The following CASS4 variants were observed in gnomAD, a reference collection of about 807,000 sequenced individuals.
The protein encoded by CASS4 is Cas scaffold protein family member 4.
A neutral mutation model predicts 54.2 loss-of-function variants in CASS4; 22 were observed. That is an observed-to-expected ratio of 0.41 (90% confidence interval 0.29 to 0.58). The LOEUF (loss-of-function observed/expected upper bound fraction) is 0.58, where lower values mean the gene tolerates loss of function less well. CASS4 is among the 20% of genes least tolerant of loss of function. CASS4 has a pLI of 0.36. For synonymous variants in CASS4, 409 were observed against 391.5 expected (o/e 1.04, Z -0.53); for missense variants, 854 against 986.7 (o/e 0.87, Z 1.80).
chr20:56,443,790 G>T (rs1183719881), intron 2 of CASS4, among the ~76,000 whole-genome samples: 2 of 152,152 alleles, frequency 1.3e-5, no homozygotes, highest in African/African-American at 4.8e-5. Context: ...GATAGAGGGG[G>T]AGTCCTGGAC....
At chr20:56,442,906 G>A (rs1348718956) in intron 2 of CASS4, among the ~76,000 whole-genome samples, 2 of 151,772 alleles carry the variant, frequency 1.3e-5, no homozygotes. Flanking sequence ...GCATTTTTGA[G>A]CTGGCTTCCT....
In CASS4 at chr20:56,452,423, C is replaced by A. The variant is rs772471393; in HGVS notation, c.1247C>A (p.Thr416Lys). Residue 416 changes from threonine (T) to lysine (K), a missense_variant, in exon 5 of 6, where the codon ACA becomes AAA. Transcript: ENST00000679887. The stretch of plus-strand genomic sequence containing the variant: ...AGCATCGTTTCCTCGTGCTCCACCA[C>A]ATCCACCGACGACTCCTCCAGCTCT... ...RASIVSSCST[T>K]STDDSSSSSS... 2 of 1,614,092 alleles carry A rather than the reference C, an allele frequency of 1.2e-6. No homozygotes were observed. The highest frequency in any genetic ancestry group is 3.3e-5 in the Admixed American group (2 of 59,998).
chr20:56,437,785 C>T lies in CASS4; in HGVS notation c.459+199C>T, dbSNP rs1262650425. ...GGCCTCCACCCCCTTGTCGTTGACA[C>T]CCTTGGCGCCACTGTGATTCCCCAG... is the stretch of plus-strand genomic sequence containing the variant. On this transcript the variant is annotated intron_variant, in intron 2 of 5. Coordinates refer to ENST00000679887, the MANE Select transcript of CASS4 (RefSeq NM_020356.4). This position sits in a 1 kb window ranked among gnomAD's most constrained non-coding sequence, Gnocchi z 4.7. Among the ~76,000 whole-genome samples the T allele has an allele frequency of 1.3e-5, 2 of 152,142 alleles. No individual in the cohort carries two copies. Among genetic ancestry groups the T allele is most frequent in the African/African-American group, 4.8e-5 (2 of 41,426 alleles).
At chr20:56,456,460 G>A (rs887645668) in intron 5 of CASS4, among the ~76,000 whole-genome samples, 3 of 151,500 alleles carry the variant, frequency 2.0e-5, no homozygotes, top group Non-Finnish European at 4.4e-5. Context: ...TGCAATCTCC[G>A]CCTCACAGGT....
Position 56,452,773 on chromosome 20 carries a change from AC to A in CASS4, c.1598del (p.Thr533LysfsTer16), listed in dbSNP as rs1335794709. On this transcript the variant is annotated frameshift_variant, in exon 5 of 6. Transcript: ENST00000679887. LOFTEE classifies it high-confidence loss of function. ...CAACTCCTACCGCATCCTGCTTGAA[AC>A]AAAGGAAAGCTTGGATAATCGCAAT... ...ISNSYRILLE[T>X]KESLDNRNWP... 6.2e-7 allele frequency: 1 copy of A among 1,614,036 alleles called. No individual in the cohort carries two copies. The highest frequency in any genetic ancestry group is 8.5e-7 in the Non-Finnish European group (1 of 1,180,012).
intron 2 of CASS4, among the ~76,000 whole-genome samples, chr20:56,438,934 C>A (rs1003450121): frequency 1.3e-5 from 2 of 152,232 alleles, no homozygotes; most frequent in Non-Finnish European, 2.9e-5. Flanking sequence ...TGCTCTCACA[C>A]TGAGACTGAG....
intron 5 of CASS4, among the ~76,000 whole-genome samples, chr20:56,456,101 G>C (rs1166125487): frequency 1.3e-5 from 2 of 151,748 alleles, no homozygotes; most frequent in African/African-American, 4.8e-5. Context: ...CCCCGCTTTA[G>C]ACTGACAGCA....
chr20:56,433,588 A>C (rs1445502781), intron 1 of CASS4, among the ~76,000 whole-genome samples: 1 of 152,212 alleles, frequency 6.6e-6, no homozygotes, highest in Non-Finnish European at 1.5e-5. Context: ...TGTAATAAAC[A>C]TTCCATAAAT....
chr20:56,457,562 A>G (rs1314116824), intron 5 of CASS4, among the ~76,000 whole-genome samples: 1 of 152,198 alleles, frequency 6.6e-6, no homozygotes. Flanking sequence ...AAATAATATT[A>G]AGGCAGATAG....
chr20:56,451,766 G>A (rs1035636754), intron 4 of CASS4, 53 bp from the exon 5 acceptor site: 92 of 1,361,980 alleles, frequency 6.8e-5, no homozygotes, highest in Non-Finnish European at 8.0e-5. Flanking sequence ...CAACGCACTC[G>A]CGCCCTCTTT....
chr20:56,452,253 T>C lies in CASS4; in HGVS notation c.1077T>C (p.Val359=). The C allele has an allele frequency of 6.2e-7, 1 of 1,614,038 alleles. No homozygotes were observed. The highest frequency in any genetic ancestry group is 1.6e-4 in the Middle Eastern group (1 of 6,062). ...ACATCCCTAAAGCAACGTCGAGTGT[T>C]TCTCAGGCTGGGAAGGAGCTGGAGA... ...IYDIPKATSS[V]SQAGKELEKA... Residue 359 remains valine, a synonymous_variant, in exon 5 of 6, where the codon GTT becomes GTC. Transcript: ENST00000679887.
chr20:56,420,068 C>G (rs190493245), intron 1 of CASS4, among the ~76,000 whole-genome samples: 101 of 152,190 alleles, frequency 6.6e-4, no homozygotes, highest in African/African-American at 2.4e-3. Flanking sequence ...CAAAAGAAAG[C>G]TCCTCTAGGA....
intron 1 of CASS4, among the ~76,000 whole-genome samples, chr20:56,434,087 G>A (rs1378302627): frequency 6.6e-6 from 1 of 152,174 alleles, no homozygotes; most frequent in Non-Finnish European, 1.5e-5. Flanking sequence ...GTAATGCACA[G>A]GGTAGATTAG....
intron 1 of CASS4, among the ~76,000 whole-genome samples, chr20:56,436,796 A>G (rs1343136074): frequency 1.3e-5 from 2 of 152,094 alleles, no homozygotes; most frequent in Non-Finnish European, 2.9e-5. Flanking sequence ...CTGGGGTGGG[A>G]GGACTGCCTG....
At chr20:56,448,534 C>G (rs1470540990) in intron 3 of CASS4, among the ~76,000 whole-genome samples, 1 of 152,078 alleles carries the variant, frequency 6.6e-6, no homozygotes, top group East Asian at 1.9e-4. Flanking sequence ...CATGGGAACA[C>G]TTGATGGTTT....
chr20:56,430,885 G>A lies in CASS4; in HGVS notation c.37-6279G>A, dbSNP rs1979871937. ...AGAAAAGTAAGAAAACAATGTGACT[G>A]GAGGGAAATGAATGAGGGTAGAGCT... is the stretch of plus-strand genomic sequence containing the variant. On this transcript the variant is annotated intron_variant, in intron 1 of 5. Coordinates refer to ENST00000679887, the MANE Select transcript of CASS4 (RefSeq NM_020356.4). This position sits in a 1 kb window ranked among gnomAD's most constrained non-coding sequence, Gnocchi z 4.2. Among the ~76,000 whole-genome samples the A allele has an allele frequency of 6.6e-6, 1 of 152,228 alleles. No individual in the cohort carries two copies.
rs1433962312 is a variant in CASS4, at chr20:56,459,655, AG to A, written c.*909del. On this transcript the variant is annotated 3_prime_UTR_variant, in exon 6 of 6. Transcript: ENST00000679887. ...GAGCTAATTTTTGTATTTTTAGTAG[AG>A]TCGGGGTTTCACCATATTAGCCAGG... 6.3e-6 allele frequency: 1 copy of A among 158,030 alleles called. No homozygotes were observed. The highest frequency in any genetic ancestry group is 1.4e-5 in the Non-Finnish European group (1 of 69,820). 9.8% of individuals were successfully genotyped at this position (158,030 alleles called of 1,614,324 possible).
intron 5 of CASS4, among the ~76,000 whole-genome samples, chr20:56,456,831 G>A (rs904111049): frequency 6.6e-6 from 1 of 151,948 alleles, no homozygotes; most frequent in Non-Finnish European, 1.5e-5. Context: ...GGCCCGCACC[G>A]CCATACCTGG....
At chr20:56,425,314 A>T (rs983419847) in intron 1 of CASS4, among the ~76,000 whole-genome samples, 5 of 152,264 alleles carry the variant, frequency 3.3e-5, no homozygotes, top group Admixed American at 2.0e-4. Context: ...ATGCACCTGC[A>T]GTTAGATCCC....
Sources: gnomAD v4.1 joint callset for allele counts (sites outside exome capture counted in the v4.1 genomes callset) on GRCh38, gnomAD v4.1.1 for gene constraint, Gnocchi (gnomAD v3.1) non-coding constraint, MANE v1.5 for transcripts, NCBI Gene and HGNC (gene_info 2026-07-23, HGNC 2026-07-21) for gene names.